CANX: variants seen among roughly 807,000 people sequenced by gnomAD.
CANX encodes calnexin.
CANX carries 14 observed loss-of-function variants against 75.7 expected under a neutral mutation model. That is an observed-to-expected ratio of 0.19 (90% CI 0.12 to 0.29). The LOEUF is 0.29. Among genes scored for constraint, CANX ranks in the 10% least tolerant of loss-of-function variants. CANX has a pLI of 1.00. For missense variants in CANX, 567 were observed against 713.2 expected, an observed-to-expected ratio of 0.79 and a Z score of 2.34; for synonymous variants, 227 against 236.9, an observed-to-expected ratio of 0.96 and a Z score of 0.38.
intron 10 of CANX, 32 bp from the exon 11 acceptor site, chr5:179,722,772 G>C (rs1429195696): frequency 2.7e-6 from 4 of 1,483,254 alleles, no homozygotes; most frequent in Non-Finnish European, 3.7e-6. Context: ...ATCATTATCT[G>C]AAATGATTTT....
chr5:179,718,325 C>T (rs1338921002), intron 8 of CANX, among the ~76,000 whole-genome samples: 1 of 151,402 alleles, frequency 6.6e-6, no homozygotes, highest in Non-Finnish European at 1.5e-5. Flanking sequence ...TACAAGCGTG[C>T]ACCACTGCAC....
intron 9 of CANX, 60 bp from the exon 10 acceptor site, chr5:179,720,344 A>G: frequency 7.2e-7 from 1 of 1,398,324 alleles, no homozygotes; most frequent in Non-Finnish European, 1.0e-6. Flanking sequence ...TGGGCCAGCC[A>G]GCTGTTCATA....
intron 4 of CANX, among the ~76,000 whole-genome samples, chr5:179,707,856 G>A (rs991575051): frequency 3.9e-5 from 6 of 151,938 alleles, no homozygotes; most frequent in Admixed American, 2.0e-4. Flanking sequence ...TTTTTGAGAC[G>A]GAGTCTCATT....
intron 1 of CANX, among the ~76,000 whole-genome samples, chr5:179,702,287 G>A (rs539666946): frequency 1.3e-5 from 2 of 151,294 alleles, no homozygotes; most frequent in South Asian, 4.2e-4. Flanking sequence ...GAGCTCAAGC[G>A]ATCATCCTGC....
At chr5:179,726,015 A>G (rs1255846882) in intron 13 of CANX, among the ~76,000 whole-genome samples, 5 of 151,200 alleles carry the variant, frequency 3.3e-5, no homozygotes, top group Admixed American at 6.6e-5. Context: ...TTGGCCGAGC[A>G]AGGTGGCTCA....
chr5:179,724,415 T>C (rs1778513530), intron 12 of CANX, among the ~76,000 whole-genome samples: 1 of 152,204 alleles, frequency 6.6e-6, no homozygotes, highest in South Asian at 2.1e-4. Flanking sequence ...ACCTTGACTT[T>C]TTTGACCTTT....
chr5:179,714,528 T>G (rs1024130125), intron 7 of CANX, among the ~76,000 whole-genome samples: 41 of 152,054 alleles, frequency 2.7e-4, no homozygotes, highest in African/African-American at 7.9e-4. Flanking sequence ...ATTTTTATTT[T>G]TTTTTTTGAG....
In CANX at chr5:179,726,700, G is replaced by A; in HGVS notation, c.1666G>A (p.Ala556Thr). ...EKLEEKQKSD[A>T]EEDGGTVSQE... ...CTTAGAAGAGAAACAGAAAAGTGAT[G>A]CTGAAGAAGATGGTGGCACTGTCAG... Residue 556 changes from alanine to threonine, a missense_variant, in exon 14 of 15, where the codon GCT becomes ACT. This residue lies in a region of CANX where 167 missense variants were observed against 179.3 expected (regional missense o/e 0.93). Transcript: ENST00000247461. 6.2e-7 allele frequency: 1 copy of A among 1,613,552 alleles called. No homozygotes were observed. Among genetic ancestry groups the A allele is most frequent in the Non-Finnish European group, 8.5e-7 (1 of 1,179,512 alleles).
chr5:179,696,974 C>G (rs534783680), upstream of CANX, among the ~76,000 whole-genome samples: 2 of 152,306 alleles, frequency 1.3e-5, no homozygotes, highest in South Asian at 4.1e-4. Flanking sequence ...ATTATTATAT[C>G]TGTCATGGTG....
upstream of CANX, among the ~76,000 whole-genome samples, chr5:179,697,261 A>G (rs1220224400): frequency 6.6e-6 from 1 of 152,034 alleles, no homozygotes; most frequent in Non-Finnish European, 1.5e-5. Flanking sequence ...CAGGGGTCTC[A>G]CTATGTTGCC....
intron 1 of CANX, among the ~76,000 whole-genome samples, chr5:179,682,250 C>CT (rs1776082675): frequency 8.5e-6 from 1 of 117,604 alleles, no homozygotes. Context: ...GAAACTCCAT[C>CT]TCAAAAAAAA....
chr5:179,707,992 A>AC (rs1178650833), intron 4 of CANX, among the ~76,000 whole-genome samples: 1 of 151,864 alleles, frequency 6.6e-6, no homozygotes. Flanking sequence ...GCCCATCACC[A>AC]CGCCCGGCTA....
intron 1 of CANX, among the ~76,000 whole-genome samples, chr5:179,689,839 G>A (rs1350655099): frequency 6.6e-6 from 1 of 152,168 alleles, no homozygotes; most frequent in African/African-American, 2.4e-5. Flanking sequence ...TTGATTTTGA[G>A]GACATTTAAT....
In CANX at chr5:179,707,445, G is replaced by A. The variant is rs151273157; in HGVS notation, c.304+255G>A. ...TGAAAATACAAAAAATTAGCTGGGCGTGGCAGCGTGCATCTGTAGTCCCAG... is the reference window on the plus strand; with the variant it reads ...TGAAAATACAAAAAATTAGCTGGGCATGGCAGCGTGCATCTGTAGTCCCAG... On this transcript the variant is annotated intron_variant, in intron 4 of 14. Transcript: ENST00000247461. 9.9e-3 allele frequency among the ~76,000 whole-genome samples: 1,505 copies of A among 152,160 alleles called. 8 individuals are homozygous for A. Among genetic ancestry groups the A allele is most frequent in the Middle Eastern group, 0.037 (11 of 294 alleles).
intron 1 of CANX, among the ~76,000 whole-genome samples, chr5:179,703,342 T>C (rs1776898724): frequency 6.6e-6 from 1 of 151,550 alleles, no homozygotes. Context: ...CTCAGCCTCC[T>C]GAGTAGCTGC....
chr5:179,686,726 A>G (rs1159916598), intron 1 of CANX, among the ~76,000 whole-genome samples: 1 of 152,242 alleles, frequency 6.6e-6, no homozygotes, highest in African/African-American at 2.4e-5. Context: ...TCAGCCTCCC[A>G]AAGTACTGGG....
At chr5:179,697,772 T>G (rs1257441959), upstream of CANX, among the ~76,000 whole-genome samples, 1 of 152,094 alleles carries the variant, frequency 6.6e-6, no homozygotes, top group Non-Finnish European at 1.5e-5. Flanking sequence ...GCGCCTGTAA[T>G]CCCAGCTACT....
intron 1 of CANX, among the ~76,000 whole-genome samples, chr5:179,702,681 C>T (rs1161993365): frequency 6.6e-6 from 1 of 152,006 alleles, no homozygotes; most frequent in Admixed American, 6.6e-5. Flanking sequence ...TGAAACTCTG[C>T]CTTCTTTTTC....
chr5:179,688,483 C>T (rs1776233292), intron 1 of CANX, among the ~76,000 whole-genome samples: 1 of 150,304 alleles, frequency 6.7e-6, no homozygotes, highest in Non-Finnish European at 1.5e-5. Context: ...TCTGCCTTAG[C>T]CTGCCAACTA....
Sources: allele counts gnomAD v4.1 joint callset (sites outside exome capture counted in the v4.1 genomes callset), GRCh38; gene constraint gnomAD v4.1.1; regional missense constraint gnomAD v4.1.1; transcripts MANE v1.5; gene names NCBI Gene and HGNC (gene_info 2026-07-23, HGNC 2026-07-21).